CTNNA3: variants seen among roughly 807,000 people sequenced by gnomAD.
CTNNA3 encodes the protein catenin alpha 3.
A neutral mutation model predicts 95.7 loss-of-function variants in CTNNA3; 76 were observed. The observed-to-expected ratio is 0.79, with a 90% CI of 0.66 to 0.96. The LOEUF is 0.96. Ranked by LOEUF, CTNNA3 falls within the 40% of genes least tolerant of loss-of-function variation. The pLI, the probability that CTNNA3 is intolerant of heterozygous loss-of-function variation, is 0.00. For missense variants in CTNNA3, 1,191 were observed against 1,089.8 expected, an observed-to-expected ratio of 1.09 and a Z score of -1.31; for synonymous variants, 431 against 374.4, an observed-to-expected ratio of 1.15 and a Z score of -1.74.
At chr10:66,590,666 T>C (rs1038243549) in intron 10 of CTNNA3, among the ~76,000 whole-genome samples, 1 of 152,250 alleles carries the variant, frequency 6.6e-6, no homozygotes, top group African/African-American at 2.4e-5. Context: ...TATTTTAACA[T>C]AGTCATGTAA....
At chr10:67,120,832 G>C (rs1027408454) in intron 7 of CTNNA3, among the ~76,000 whole-genome samples, 1 of 151,972 alleles carries the variant, frequency 6.6e-6, no homozygotes, top group Non-Finnish European at 1.5e-5. Context: ...ACTGAATTTT[G>C]GTTGTTATTC....
chr10:66,375,567 T>C (rs1214683642), intron 12 of CTNNA3, among the ~76,000 whole-genome samples: 1 of 149,772 alleles, frequency 6.7e-6, no homozygotes, highest in African/African-American at 2.5e-5. Context: ...ATATTTAAGA[T>C]TGTAGGACAG....
At chr10:65,984,977 T>C (rs951191615) in intron 16 of CTNNA3, among the ~76,000 whole-genome samples, 1 of 150,988 alleles carries the variant, frequency 6.6e-6, no homozygotes, top group African/African-American at 2.4e-5. Context: ...TAGCTGTAAA[T>C]ACTAAATACT....
chr10:67,326,776 G>C (rs1841555283), intron 5 of CTNNA3, among the ~76,000 whole-genome samples: 1 of 152,142 alleles, frequency 6.6e-6, no homozygotes, highest in Admixed American at 6.5e-5. Flanking sequence ...GGCCTCTTTA[G>C]CTAGGCTGGG....
intron 7 of CTNNA3, among the ~76,000 whole-genome samples, chr10:67,148,832 A>G (rs1860957830): frequency 6.6e-6 from 1 of 152,218 alleles, no homozygotes; most frequent in Non-Finnish European, 1.5e-5. Flanking sequence ...CCACAATAGG[A>G]CTTCTATCAT....
At chr10:67,142,642 T>C (rs1488052840) in intron 7 of CTNNA3, among the ~76,000 whole-genome samples, 1 of 152,118 alleles carries the variant, frequency 6.6e-6, no homozygotes, top group Non-Finnish European at 1.5e-5. Flanking sequence ...ATTTTAAAAA[T>C]ATTGCTAAAG....
rs138770308 is a variant in CTNNA3 at position 65,999,844 on chromosome 10, G to C, written c.2160-11047C>G. ...ATTGGATCCTACAGAAAAAGACCTAGAGAAGAAAGGGTTAGAGATTGAAAA... is the reference window on the plus strand; with the variant it reads ...ATTGGATCCTACAGAAAAAGACCTACAGAAGAAAGGGTTAGAGATTGAAAA... On this transcript the variant is annotated intron_variant, in intron 15 of 17. Coordinates refer to ENST00000433211, the MANE Select transcript of CTNNA3 (RefSeq NM_013266.4). 7.9e-5 allele frequency among the ~76,000 whole-genome samples: 12 copies of C among 151,470 alleles called. No individual in the cohort carries two copies. In the East Asian group the frequency reaches 2.1e-3, roughly 27 times the overall value.
intron 5 of CTNNA3, among the ~76,000 whole-genome samples, chr10:67,513,207 C>T (rs531864556): frequency 2.5e-4 from 38 of 152,220 alleles, no homozygotes; most frequent in African/African-American, 8.7e-4. Context: ...AAGTCCATAC[C>T]CATTCTGGTA....
chr10:67,404,627 A>C (rs1845063043), intron 5 of CTNNA3, among the ~76,000 whole-genome samples: 1 of 152,148 alleles, frequency 6.6e-6, no homozygotes, highest in South Asian at 2.1e-4. Context: ...ATTTTGGATA[A>C]CATAATTCAG....
At chr10:66,332,679 T>G (rs1381146314) in intron 12 of CTNNA3, among the ~76,000 whole-genome samples, 2 of 152,092 alleles carry the variant, frequency 1.3e-5, no homozygotes, top group Admixed American at 1.3e-4. Flanking sequence ...GATATTGGTC[T>G]AAAATTCTCT....
intron 11 of CTNNA3, among the ~76,000 whole-genome samples, chr10:66,491,039 C>A (rs1249082943): frequency 6.6e-6 from 1 of 152,112 alleles, no homozygotes; most frequent in Non-Finnish European, 1.5e-5. Flanking sequence ...TCCTCAAAGC[C>A]CTTTAGGCCC....
intron 9 of CTNNA3, among the ~76,000 whole-genome samples, chr10:66,721,103 T>G (rs780340081): frequency 6.6e-6 from 1 of 152,040 alleles, no homozygotes; most frequent in Non-Finnish European, 1.5e-5. Context: ...TCAGAAGCAC[T>G]GGGTTAGAGG....
intron 7 of CTNNA3, among the ~76,000 whole-genome samples, chr10:66,836,976 T>C (rs922652200): frequency 6.6e-6 from 1 of 152,136 alleles, no homozygotes; most frequent in Non-Finnish European, 1.5e-5. Context: ...TCCTTACTCA[T>C]ACACTGGATA....
intron 12 of CTNNA3, among the ~76,000 whole-genome samples, chr10:66,365,441 T>C (rs543034895): frequency 6.6e-6 from 1 of 152,138 alleles, no homozygotes; most frequent in South Asian, 2.1e-4. Context: ...ATGTAAGTGT[T>C]GGGTTGATGA....
At chr10:67,130,111 T>G (rs967980184) in intron 7 of CTNNA3, among the ~76,000 whole-genome samples, 4 of 152,070 alleles carry the variant, frequency 2.6e-5, no homozygotes, top group African/African-American at 9.7e-5. Flanking sequence ...CCCATCACCA[T>G]TCCTTTAAAG....
chr10:67,604,398 A>C (rs1164353369), intron 3 of CTNNA3, among the ~76,000 whole-genome samples: 3 of 152,198 alleles, frequency 2.0e-5, no homozygotes, highest in African/African-American at 7.2e-5. Context: ...AAAAGTTTGA[A>C]CTTTATTGAA....
At chr10:67,609,594 TGTCTTG>T (rs1469446655) in intron 2 of CTNNA3, among the ~76,000 whole-genome samples, 203 of 152,338 alleles carry the variant, frequency 1.3e-3, no homozygotes, top group Non-Finnish European at 2.2e-3. Context: ...CAGAGTGGAA[TGTCTTG>T]TGGCAGGCCT....
intron 5 of CTNNA3, among the ~76,000 whole-genome samples, chr10:67,270,691 T>C (rs1483616487): frequency 1.3e-5 from 2 of 152,188 alleles, no homozygotes; most frequent in Non-Finnish European, 2.9e-5. Flanking sequence ...TTAGCTTTTG[T>C]GTAAGCAACA....
chr10:66,816,395 G>A (rs958435653), intron 7 of CTNNA3, among the ~76,000 whole-genome samples: 11 of 151,876 alleles, frequency 7.2e-5, no homozygotes, highest in South Asian at 2.1e-4. Flanking sequence ...GGCAAAAATC[G>A]ACTAATGGAT....
Sources: allele counts gnomAD v4.1 joint callset (sites outside exome capture counted in the v4.1 genomes callset), GRCh38; gene constraint gnomAD v4.1.1; transcripts MANE v1.5; gene names NCBI Gene and HGNC (gene_info 2026-07-23, HGNC 2026-07-21).